TSGA10: variants seen among roughly 807,000 people sequenced by gnomAD.
The protein encoded by TSGA10 is testis-specific gene 10 protein.
In TSGA10, 43 loss-of-function variants were observed where a neutral mutation model predicts 96.6. That is an observed-to-expected ratio of 0.44 (90% CI 0.35 to 0.57). TSGA10 has a LOEUF of 0.57. TSGA10 is among the 20% of genes least tolerant of loss of function. The probability of loss-of-function intolerance (pLI) is 0.01; values close to 1 mark genes in which losing one functional copy is unlikely to be tolerated. For synonymous variants in TSGA10, 229 were observed against 269.9 expected (o/e 0.85, Z 1.48); for missense variants, 703 against 834.4 (o/e 0.84, Z 1.94).
intron 1 of TSGA10, among the ~76,000 whole-genome samples, chr2:99,131,062 G>A (rs991156693): frequency 6.6e-6 from 1 of 152,120 alleles, no homozygotes; most frequent in Non-Finnish European, 1.5e-5. Flanking sequence ...TTGAAGTCAG[G>A]TAGCATGATC....
intron 1 of TSGA10, chr2:99,141,198 C>T (rs901330311): frequency 1.9e-5 from 23 of 1,179,700 alleles, no homozygotes; most frequent in Non-Finnish European, 2.5e-5. Flanking sequence ...CACTCTCCAT[C>T]CTCCGCCCCT....
chr2:99,114,730 A>G (rs1248371815), intron 4 of TSGA10, among the ~76,000 whole-genome samples: 1 of 152,152 alleles, frequency 6.6e-6, no homozygotes, highest in African/African-American at 2.4e-5. Context: ...TTTTGAAAGC[A>G]GAGAATTTAC....
At chr2:99,017,975 A>G (rs1156390289) in intron 20 of TSGA10, among the ~76,000 whole-genome samples, 1 of 152,130 alleles carries the variant, frequency 6.6e-6, no homozygotes, top group African/African-American at 2.4e-5. Flanking sequence ...AAAAAAATAT[A>G]TAATTTATGC....
intron 10 of TSGA10, among the ~76,000 whole-genome samples, chr2:99,090,422 T>G (rs955446983): frequency 1.3e-5 from 2 of 152,122 alleles, no homozygotes; most frequent in Non-Finnish European, 2.9e-5. Flanking sequence ...AAGAAATCCC[T>G]TTTAGATTTC....
intron 17 of TSGA10, among the ~76,000 whole-genome samples, chr2:99,034,134 T>C (rs1232870606): frequency 6.6e-6 from 1 of 152,134 alleles, no homozygotes; most frequent in Admixed American, 6.5e-5. Flanking sequence ...CAAATGATGG[T>C]GGCTTTAAAA....
At chr2:99,027,652 AT>A (rs1455843391) in intron 17 of TSGA10, among the ~76,000 whole-genome samples, 13 of 152,194 alleles carry the variant, frequency 8.5e-5, no homozygotes, top group African/African-American at 2.9e-4. Flanking sequence ...AAAACATCAC[AT>A]TATACTCCAT....
chr2:99,056,972 T>C (rs2084076633), intron 16 of TSGA10, among the ~76,000 whole-genome samples: 1 of 151,948 alleles, frequency 6.6e-6, no homozygotes. Context: ...AAAGAAAAAC[T>C]ACATGATAAT....
chr2:99,099,927 AAC>A (rs1192724503), intron 10 of TSGA10, among the ~76,000 whole-genome samples: 3 of 152,192 alleles, frequency 2.0e-5, no homozygotes, highest in African/African-American at 4.8e-5. Flanking sequence ...AATTTTTAAA[AAC>A]AGTTAAAATC....
chr2:99,006,066 A>G (rs1382803729), intron 20 of TSGA10, among the ~76,000 whole-genome samples: 5 of 152,196 alleles, frequency 3.3e-5, no homozygotes, highest in East Asian at 3.9e-4. Flanking sequence ...TTAATAAATG[A>G]TGCTGGGAAA....
At chr2:99,085,205 C>A (rs1167729074) in intron 10 of TSGA10, among the ~76,000 whole-genome samples, 1 of 151,934 alleles carries the variant, frequency 6.6e-6, no homozygotes, top group Non-Finnish European at 1.5e-5. Flanking sequence ...TGAGATCGCA[C>A]CACTGCACTC....
intron 10 of TSGA10, among the ~76,000 whole-genome samples, chr2:99,091,986 A>G (rs757186631): frequency 6.6e-5 from 10 of 152,172 alleles, no homozygotes; most frequent in Non-Finnish European, 1.0e-4. Context: ...TATACATTCT[A>G]TTCATTAGCA....
At chr2:99,102,818 T>G in intron 10 of TSGA10, 1 of 1,271,570 alleles carries the variant, frequency 7.9e-7, no homozygotes, top group Non-Finnish European at 1.2e-6. Context: ...CCCAGAACTG[T>G]AAATATAAAC....
intron 17 of TSGA10, among the ~76,000 whole-genome samples, chr2:99,021,025 G>T (rs141267727): frequency 1.3e-5 from 2 of 150,852 alleles, no homozygotes; most frequent in Non-Finnish European, 3.0e-5. Context: ...CTTGTGGAAA[G>T]CTTCCTTTAG....
chr2:99,115,328 G>A (rs978119532), intron 4 of TSGA10, among the ~76,000 whole-genome samples: 3 of 151,970 alleles, frequency 2.0e-5, no homozygotes, highest in African/African-American at 4.8e-5. Context: ...CATTCCACCT[G>A]AAGTGGCATT....
chr2:99,024,760 TAC>T (rs2080404561), intron 17 of TSGA10, among the ~76,000 whole-genome samples: 1 of 152,232 alleles, frequency 6.6e-6, no homozygotes, highest in African/African-American at 2.4e-5. Context: ...CACCACTAAG[TAC>T]AGTGTTTGCT....
At chr2:99,036,249 C>T (rs1423212358) in intron 16 of TSGA10, among the ~76,000 whole-genome samples, 3 of 152,020 alleles carry the variant, frequency 2.0e-5, no homozygotes, top group Admixed American at 2.0e-4. Flanking sequence ...GTTATTTGGC[C>T]ATAATTCACT....
intron 1 of TSGA10, among the ~76,000 whole-genome samples, chr2:99,137,841 C>T (rs1017794690): frequency 2.0e-5 from 3 of 148,544 alleles, no homozygotes; most frequent in Non-Finnish European, 4.4e-5. Context: ...GAGCCGAGAT[C>T]GTGTCACTGC....
At chr2:99,109,560 G>T in intron 5 of TSGA10, 48 bp from the exon 6 acceptor site, 1 of 1,404,146 alleles carries the variant, frequency 7.1e-7, no homozygotes, top group Non-Finnish European at 9.4e-7. Context: ...AAATTATCTT[G>T]CCAAAGAGGA....
At chr2:99,152,261 G>C (rs966218047) in intron 1 of TSGA10, among the ~76,000 whole-genome samples, 1 of 152,072 alleles carries the variant, frequency 6.6e-6, no homozygotes, top group Non-Finnish European at 1.5e-5. Flanking sequence ...GCATTCAGAG[G>C]GACATAACAC....
Sources: gnomAD v4.1 joint callset for allele counts (sites outside exome capture counted in the v4.1 genomes callset) on GRCh38, gnomAD v4.1.1 for gene constraint, MANE v1.5 for transcripts, NCBI Gene and HGNC (gene_info 2026-07-23, HGNC 2026-07-21) for gene names.